The following NRXN1 variants were observed in gnomAD, a reference collection of about 807,000 sequenced individuals.
NRXN1 encodes neurexin-1.
Under a neutral mutation model 150.9 loss-of-function variants are expected in NRXN1, and 39 were observed. That is an observed-to-expected ratio of 0.26 (90% CI 0.20 to 0.34). NRXN1 has a LOEUF of 0.34. NRXN1 is among the 10% of genes least tolerant of loss of function. The pLI, the probability that NRXN1 is intolerant of heterozygous loss-of-function variation, is 1.00. For missense variants in NRXN1, 1,815 were observed against 1,949.9 expected (o/e 0.93, Z 1.30); for synonymous variants, 924 against 757.0 (o/e 1.22, Z -3.62).
rs188556452 is a variant in NRXN1 at position 50,034,735 on chromosome 2, A to G, written c.4128+18536T>C. On this transcript the variant is annotated intron_variant, in intron 21 of 22. Coordinates refer to ENST00000401669, the MANE Select transcript of NRXN1 (RefSeq NM_001330078.2). Reference sequence around the variant, plus strand: ...AGGAATGAAATAATGCCAATATTTGAATGTGGTTTTGTATATGACTCAAAC... The same window carrying G: ...AGGAATGAAATAATGCCAATATTTGGATGTGGTTTTGTATATGACTCAAAC... Among the ~76,000 whole-genome samples the G allele has an allele frequency of 3.3e-3, 507 of 152,196 alleles. 6 individuals carry two copies. Among genetic ancestry groups the G allele is most frequent in the South Asian group, 0.021 (103 of 4,824 alleles).
At chr2:50,387,772 G>C (rs759014560) in intron 17 of NRXN1, among the ~76,000 whole-genome samples, 1 of 152,114 alleles carries the variant, frequency 6.6e-6, no homozygotes, top group Non-Finnish European at 1.5e-5. Context: ...TAATTTTCAA[G>C]ATATTTTTAA....
chr2:50,089,634 T>C (rs1208508672), intron 19 of NRXN1, among the ~76,000 whole-genome samples: 1 of 151,676 alleles, frequency 6.6e-6, no homozygotes, highest in Non-Finnish European at 1.5e-5. Flanking sequence ...CAAAAAAATT[T>C]TAAAAATTAG....
At chr2:50,489,329 A>G (rs1325894264) in intron 15 of NRXN1, among the ~76,000 whole-genome samples, 1 of 152,156 alleles carries the variant, frequency 6.6e-6, no homozygotes, top group Non-Finnish European at 1.5e-5. Context: ...AGCAGAGTCA[A>G]TAGGTGGCAC....
chr2:50,635,633 A>G (rs1683128818), intron 5 of NRXN1, among the ~76,000 whole-genome samples: 1 of 152,152 alleles, frequency 6.6e-6, no homozygotes, highest in African/African-American at 2.4e-5. Flanking sequence ...CAGGCTCTAC[A>G]TGTGATTCTA....
intron 5 of NRXN1, among the ~76,000 whole-genome samples, chr2:50,864,942 G>A (rs898503734): frequency 1.3e-5 from 2 of 151,994 alleles, no homozygotes; most frequent in Non-Finnish European, 2.9e-5. Flanking sequence ...GGTCGATGCT[G>A]ACAGTGTAGG....
intron 17 of NRXN1, among the ~76,000 whole-genome samples, chr2:50,310,167 C>T (rs913201881): frequency 2.0e-5 from 3 of 152,172 alleles, no homozygotes; most frequent in African/African-American, 7.2e-5. Context: ...ACCAAGGCAA[C>T]ATTTCAGGCA....
At chr2:50,741,790 C>T (rs1002647243) in intron 5 of NRXN1, among the ~76,000 whole-genome samples, 7 of 152,194 alleles carry the variant, frequency 4.6e-5, no homozygotes, top group South Asian at 2.1e-4. Context: ...ACTAGGATGA[C>T]TTAGTATGGA....
intron 5 of NRXN1, among the ~76,000 whole-genome samples, chr2:50,654,070 T>C (rs909960797): frequency 6.6e-6 from 1 of 151,088 alleles, no homozygotes; most frequent in African/African-American, 2.4e-5. Flanking sequence ...AGGGTACATG[T>C]GTACAACGTG....
At chr2:50,984,770 T>C (rs1370250111) in intron 2 of NRXN1, among the ~76,000 whole-genome samples, 1 of 152,070 alleles carries the variant, frequency 6.6e-6, no homozygotes, top group African/African-American at 2.4e-5. Context: ...GAAAGAGGCT[T>C]CTTTAATAGA....
At chr2:50,028,269 T>C (rs1191362235) in intron 21 of NRXN1, among the ~76,000 whole-genome samples, 3 of 152,198 alleles carry the variant, frequency 2.0e-5, no homozygotes, top group Admixed American at 6.5e-5. Flanking sequence ...CCTATAAATA[T>C]AGAGAATTGG....
rs374082011 is a variant in NRXN1 at position 50,694,342 on chromosome 2, T to C, written c.833-70727A>G. On this transcript the variant is annotated intron_variant, in intron 5 of 22. Coordinates refer to ENST00000401669, the MANE Select transcript of NRXN1 (RefSeq NM_001330078.2). ...TGTTTGGGCATGTTATTTTATCTTT[T>C]TGCATCGGTTTCCCTCTTAATGTAT... 6.4e-4 allele frequency among the ~76,000 whole-genome samples: 97 copies of C among 152,286 alleles called. 3 individuals are homozygous for C. The South Asian group carries it at 0.02, about 31-fold the overall frequency.
At chr2:49,959,718 T>C (rs1372145598) in intron 21 of NRXN1, among the ~76,000 whole-genome samples, 1 of 152,228 alleles carries the variant, frequency 6.6e-6, no homozygotes, top group African/African-American at 2.4e-5. Context: ...ACAGATGATA[T>C]ACTTAACACT....
chr2:50,841,876 G>C (rs1028223244), intron 5 of NRXN1, among the ~76,000 whole-genome samples: 1 of 152,086 alleles, frequency 6.6e-6, no homozygotes, highest in Non-Finnish European at 1.5e-5. Flanking sequence ...TGAACTTACT[G>C]AATTATAGTC....
chr2:50,468,320 G>T (rs2089125749), intron 16 of NRXN1, among the ~76,000 whole-genome samples: 1 of 151,556 alleles, frequency 6.6e-6, no homozygotes, highest in African/African-American at 2.4e-5. Flanking sequence ...AAGCTTCTAT[G>T]TAAGCATACA....
chr2:50,639,547 T>C (rs1370193227), intron 5 of NRXN1, among the ~76,000 whole-genome samples: 1 of 152,076 alleles, frequency 6.6e-6, no homozygotes, highest in Non-Finnish European at 1.5e-5. Flanking sequence ...AATGCCATTT[T>C]GGATAGATTT....
intron 17 of NRXN1, among the ~76,000 whole-genome samples, chr2:50,397,762 T>C (rs1228046293): frequency 1.3e-5 from 2 of 152,296 alleles, no homozygotes; most frequent in South Asian, 2.1e-4. Context: ...ATGAGAGATT[T>C]CTTTTTTATC....
intron 12 of NRXN1, among the ~76,000 whole-genome samples, chr2:50,527,166 T>G (rs964961724): frequency 6.6e-6 from 1 of 152,180 alleles, no homozygotes. Context: ...AAAGGAATAT[T>G]GGTCCCCACA....
In NRXN1 at chr2:50,214,198, A is replaced by G. The variant is rs548666265; in HGVS notation, c.3546+22591T>C. Among the ~76,000 whole-genome samples the G allele has an allele frequency of 9.2e-5, 14 of 152,080 alleles. No homozygotes were observed. The South Asian group carries it at 2.9e-3, about 31-fold the overall frequency. ...ATCTTCTTTTATTTTAATTCAAGAT[A>G]TTGGATAATTTTCATCAGGCCAGGG... On this transcript the variant is annotated intron_variant, in intron 18 of 22. Coordinates refer to ENST00000401669, the MANE Select transcript of NRXN1 (RefSeq NM_001330078.2).
At chr2:50,557,556 A>T (rs1668438204) in intron 8 of NRXN1, among the ~76,000 whole-genome samples, 2 of 152,162 alleles carry the variant, frequency 1.3e-5, no homozygotes, top group South Asian at 4.1e-4. Context: ...GACCTTGTGC[A>T]AGTTCCTCAA....
Sources: gnomAD v4.1 joint callset for allele counts (sites outside exome capture counted in the v4.1 genomes callset) on GRCh38, gnomAD v4.1.1 for gene constraint, MANE v1.5 for transcripts, NCBI Gene and HGNC (gene_info 2026-07-23, HGNC 2026-07-21) for gene names.